PCLAF: variants seen among roughly 807,000 people sequenced by gnomAD.
The protein encoded by PCLAF is PCNA-associated factor.
PCLAF carries 12 observed loss-of-function variants against 15.1 expected under a neutral mutation model. The observed-to-expected ratio is 0.79, with a 90% CI of 0.51 to 1.29. PCLAF has a LOEUF of 1.29. Ranked by LOEUF, PCLAF falls within the 50% of genes most tolerant of loss-of-function variation. The pLI, the probability that PCLAF is intolerant of heterozygous loss-of-function variation, is 0.00. For missense variants in PCLAF, 116 were observed against 130.9 expected, an observed-to-expected ratio of 0.89 and a Z score of 0.56; for synonymous variants, 33 against 47.1, an observed-to-expected ratio of 0.70 and a Z score of 1.22.
intron 3 of PCLAF, among the ~76,000 whole-genome samples, chr15:64,367,295 G>A (rs1410824433): frequency 2.6e-5 from 4 of 151,980 alleles, no homozygotes; most frequent in African/African-American, 9.7e-5. Context: ...CCTGAGGTCA[G>A]AAGTTCGAGA....
At chr15:64,381,456 C>T, upstream of PCLAF, 4 of 1,612,216 alleles carry the variant, frequency 2.5e-6, no homozygotes, top group Non-Finnish European at 3.4e-6. Flanking sequence ...GAAAACTATC[C>T]CGCCACAGTT....
chr15:64,373,543 G>C (rs1420613363), intron 3 of PCLAF: 3 of 1,279,376 alleles, frequency 2.3e-6, no homozygotes, highest in Non-Finnish European at 3.0e-6. Flanking sequence ...CAAGGAGACC[G>C]GCTGTAGGCT....
In PCLAF at chr15:64,364,567, G is replaced by A. The variant is rs561233872; in HGVS notation, c.*1463C>T. On this transcript the variant is annotated 3_prime_UTR_variant, in exon 4 of 4. Transcript: ENST00000300035. ...CTTTAAAATTATATTTTATGATAGC[G>A]AATCAAATGCAAATCCTAGGAAAAT... 9 of 152,128 alleles carry A rather than the reference G, an allele frequency of 5.9e-5. No homozygotes were observed. The highest frequency in any genetic ancestry group is 1.9e-4 in the East Asian group (1 of 5,184). 9.4% of individuals were successfully genotyped at this position (152,128 alleles called of 1,614,324 possible). A position where few individuals can be genotyped will look rare whatever the true frequency, so the allele number is the denominator to read the frequency against.
At chr15:64,384,343 A>AG (rs1899892139), upstream of PCLAF, among the ~76,000 whole-genome samples, 1 of 151,820 alleles carries the variant, frequency 6.6e-6, no homozygotes, top group African/African-American at 2.4e-5. Context: ...CATGCTGGCC[A>AG]GGCTGGTCTT....
Position 64,365,557 on chromosome 15 carries a change from C to A in PCLAF, c.*473G>T. The A allele has an allele frequency of 6.3e-6, 1 of 159,140 alleles. No homozygotes were observed. Among genetic ancestry groups the A allele is most frequent in the Non-Finnish European group, 1.4e-5 (1 of 73,082 alleles). 9.9% of individuals were successfully genotyped at this position (159,140 alleles called of 1,614,324 possible). A position where few individuals can be genotyped will look rare whatever the true frequency, so the allele number is the denominator to read the frequency against. ...TTTCCAACATTGCGTATTTGTCCTC[C>A]TTGCCAAAAAAGAGGGTAGAATAAG... On this transcript the variant is annotated 3_prime_UTR_variant, in exon 4 of 4. Coordinates refer to ENST00000300035, the MANE Select transcript of PCLAF (RefSeq NM_014736.6).
intron 3 of PCLAF, among the ~76,000 whole-genome samples, chr15:64,375,515 A>G (rs562775024): frequency 9.2e-5 from 14 of 151,882 alleles, no homozygotes; most frequent in Non-Finnish European, 1.9e-4. Context: ...GGGTCAAGCA[A>G]TTCTCCCACC....
chr15:64,369,038 G>A (rs1039032993), intron 3 of PCLAF, among the ~76,000 whole-genome samples: 1 of 152,148 alleles, frequency 6.6e-6, no homozygotes, highest in African/African-American at 2.4e-5. Context: ...GATCAGGAAA[G>A]CAAAACTATT....
At chr15:64,384,547 A>C (rs1899896193), upstream of PCLAF, among the ~76,000 whole-genome samples, 2 of 150,822 alleles carry the variant, frequency 1.3e-5, no homozygotes, top group South Asian at 2.1e-4. Flanking sequence ...GTTCGAGACC[A>C]GCCTGGCCAA....
chr15:64,369,621 G>A (rs1410917737), intron 3 of PCLAF, among the ~76,000 whole-genome samples: 2 of 151,920 alleles, frequency 1.3e-5, no homozygotes. Context: ...AGTGATCTCG[G>A]CTCACTGCAA....
rs1302359343 is a variant in PCLAF at position 64,376,808 on chromosome 15, A to C, written c.225T>G (p.Asp75Glu). 3 of 1,613,798 alleles carry C rather than the reference A, an allele frequency of 1.9e-6. No homozygotes were observed. Among genetic ancestry groups the C allele is most frequent in the Non-Finnish European group, 2.5e-6 (3 of 1,179,862 alleles). Residue 75 changes from aspartate (D) to glutamate (E), a missense_variant, in exon 3 of 4, where the codon GAT becomes GAG. Transcript: ENST00000300035. ...IGEFFRLSPK[D>E]SEKENQIPEE... ...CAGGAATCTGATTCTCTTTTTCAGA[A>C]TCTTTAGGGGACAACCTAAAGAATT...
Position 64,381,311 on chromosome 15 carries a change from A to T in PCLAF, c.46+15T>A. 6.2e-7 allele frequency: 1 copy of T among 1,613,776 alleles called. No homozygotes were observed. Among genetic ancestry groups the T allele is most frequent in the Non-Finnish European group, 8.5e-7 (1 of 1,179,872 alleles). On this transcript the variant is annotated intron_variant, in intron 1 of 3. Coordinates refer to ENST00000300035, the MANE Select transcript of PCLAF (RefSeq NM_014736.6). ...GGACCCCCCCGCCCTCCAGTACCACACTCGATCGCCTCACCTTTTCTGTAA... is the reference window on the plus strand; with the variant it reads ...GGACCCCCCCGCCCTCCAGTACCACTCTCGATCGCCTCACCTTTTCTGTAA...
chr15:64,376,502 T>C (rs1344589798), intron 3 of PCLAF, among the ~76,000 whole-genome samples: 4 of 152,132 alleles, frequency 2.6e-5, no homozygotes, highest in African/African-American at 4.8e-5. Context: ...TATGTGTGCA[T>C]GGTGGTTTGC....
intron 3 of PCLAF, among the ~76,000 whole-genome samples, chr15:64,372,159 T>C (rs887197037): frequency 1.3e-5 from 2 of 152,262 alleles, no homozygotes; most frequent in African/African-American, 4.8e-5. Flanking sequence ...GGAATCCAGT[T>C]AAGTATCGTA....
At chr15:64,381,458 G>A, upstream of PCLAF, 2 of 1,612,050 alleles carry the variant, frequency 1.2e-6, no homozygotes, top group South Asian at 1.1e-5. Context: ...AAACTATCCC[G>A]CCACAGTTTA....
chr15:64,384,466 G>A (rs542618230), upstream of PCLAF, among the ~76,000 whole-genome samples: 23 of 151,822 alleles, frequency 1.5e-4, no homozygotes, highest in East Asian at 2.2e-3. Context: ...AATCTTGGCC[G>A]GCGCAGTGGC....
rs1898970592 is a variant in PCLAF, at chr15:64,364,977, C to T, written c.*1053G>A. The T allele has an allele frequency of 6.7e-6, 1 of 148,798 alleles. No individual in the cohort carries two copies. Among genetic ancestry groups the T allele is most frequent in the Admixed American group, 7.0e-5 (1 of 14,352 alleles). 9.2% of individuals were successfully genotyped at this position (148,798 alleles called of 1,614,324 possible). On this transcript the variant is annotated 3_prime_UTR_variant, in exon 4 of 4. Transcript: ENST00000300035. ...GGGATTACAGGTGTGAGCCACTGCA[C>T]TCAGCCTTTTTTAAAATTTTTTTTT...
chr15:64,370,210 A>G (rs1210034668), intron 3 of PCLAF, among the ~76,000 whole-genome samples: 1 of 150,874 alleles, frequency 6.6e-6, no homozygotes, highest in South Asian at 2.1e-4. Flanking sequence ...CAGAGTAGTC[A>G]GGACTACAGG....
At chr15:64,380,307 C>A (rs148960134) in intron 2 of PCLAF, among the ~76,000 whole-genome samples, 1,859 of 151,984 alleles carry the variant, frequency 0.012, 25 homozygotes, top group African/African-American at 0.043. Flanking sequence ...CGTGTGAACC[C>A]GAGAGGCGGA....
chr15:64,378,325 C>T (rs945314427), intron 2 of PCLAF, among the ~76,000 whole-genome samples: 2 of 152,138 alleles, frequency 1.3e-5, no homozygotes, highest in Admixed American at 6.6e-5. Context: ...TCAGTTACTG[C>T]AAATCTTTTG....
Sources: allele counts gnomAD v4.1 joint callset (sites outside exome capture counted in the v4.1 genomes callset), GRCh38; gene constraint gnomAD v4.1.1; transcripts MANE v1.5; gene names NCBI Gene and HGNC (gene_info 2026-07-23, HGNC 2026-07-21).